The following HDAC4 variants were observed in gnomAD, a reference collection of about 807,000 sequenced individuals.
HDAC4 encodes histone deacetylase A.
Under a neutral mutation model 135.1 loss-of-function variants are expected in HDAC4, and 16 were observed. The ratio of observed to expected loss-of-function variants is 0.12; its 90% confidence interval spans 0.08 to 0.18. The LOEUF is 0.18. Ranked by LOEUF, HDAC4 falls within the 10% of genes least tolerant of loss-of-function variation. HDAC4 has a pLI of 1.00. For synonymous variants in HDAC4, 685 were observed against 653.4 expected (o/e 1.05, Z -0.74); for missense variants, 1,143 against 1,511.8 (o/e 0.76, Z 4.05).
chr2:239,197,768 A>C (rs2045487280), intron 3 of HDAC4, among the ~76,000 whole-genome samples: 1 of 151,804 alleles, frequency 6.6e-6, no homozygotes. Context: ...TCTTTTTTTA[A>C]AATGTCATCC....
chr2:239,195,134 T>TCG (rs1654114457), intron 3 of HDAC4, among the ~76,000 whole-genome samples: 1 of 152,170 alleles, frequency 6.6e-6, no homozygotes, highest in Admixed American at 6.5e-5. Context: ...CAGAATGCTG[T>TCG]CGCTGTTCTC....
intron 3 of HDAC4, among the ~76,000 whole-genome samples, chr2:239,229,269 T>A (rs546871003): frequency 6.6e-6 from 1 of 152,216 alleles, no homozygotes; most frequent in African/African-American, 2.4e-5. Context: ...GACACACACA[T>A]GGCCTCCAGG....
intron 3 of HDAC4, among the ~76,000 whole-genome samples, chr2:239,221,609 GAC>G (rs3838519): frequency 0.023 from 3,406 of 149,004 alleles, 55 homozygotes; most frequent in East Asian, 0.083. Context: ...CTGAGAGTGG[GAC>G]ACACACACAC....
At chr2:239,118,111 C>T (rs1220493027) in intron 12 of HDAC4, among the ~76,000 whole-genome samples, 2 of 152,206 alleles carry the variant, frequency 1.3e-5, no homozygotes, top group Non-Finnish European at 2.9e-5. Flanking sequence ...CTCACACACA[C>T]ACAACATGGT....
intron 26 of HDAC4, 103 bp downstream of exon 26, chr2:239,053,357 T>C (rs1293433793): frequency 2.7e-6 from 4 of 1,484,004 alleles, no homozygotes; most frequent in Admixed American, 3.7e-5. Context: ...CTCTAGTCTG[T>C]TGGGCAGGGC....
At chr2:239,358,008 A>G (rs1429094335) in intron 1 of HDAC4, among the ~76,000 whole-genome samples, 1 of 152,072 alleles carries the variant, frequency 6.6e-6, no homozygotes, top group Non-Finnish European at 1.5e-5. Context: ...TTGACAACTT[A>G]GATGAAATAA....
chr2:239,060,796 C>T (rs919627624), intron 24 of HDAC4, among the ~76,000 whole-genome samples: 10 of 152,248 alleles, frequency 6.6e-5, no homozygotes, highest in Admixed American at 2.6e-4. Flanking sequence ...CAAGCAAACC[C>T]GGAGCAGCCC....
At chr2:239,346,761 C>T (rs949113236) in intron 2 of HDAC4, among the ~76,000 whole-genome samples, 1 of 147,312 alleles carries the variant, frequency 6.8e-6, no homozygotes, top group African/African-American at 2.5e-5. Context: ...CACACCCTGT[C>T]TAAACACACA....
chr2:239,304,206 C>CG (rs1244421133), intron 2 of HDAC4, among the ~76,000 whole-genome samples: 1 of 151,900 alleles, frequency 6.6e-6, no homozygotes, highest in African/African-American at 2.4e-5. Flanking sequence ...AGTGTGAGCT[C>CG]GGGGAAGAAG....
At chr2:239,275,171 C>T (rs1192816049) in intron 2 of HDAC4, among the ~76,000 whole-genome samples, 1 of 152,228 alleles carries the variant, frequency 6.6e-6, no homozygotes, top group Non-Finnish European at 1.5e-5. Context: ...CGGCCGGAAG[C>T]CCCGTGGGCC....
At chr2:239,228,673 G>A (rs1220477764) in intron 3 of HDAC4, among the ~76,000 whole-genome samples, 1 of 152,138 alleles carries the variant, frequency 6.6e-6, no homozygotes, top group East Asian at 1.9e-4. Flanking sequence ...GGAGAAGGGG[G>A]CATGGGTATG....
At chr2:239,110,228 G>A (rs751411345) in intron 14 of HDAC4, among the ~76,000 whole-genome samples, 1 of 152,218 alleles carries the variant, frequency 6.6e-6, no homozygotes, top group African/African-American at 2.4e-5. Flanking sequence ...CGGGCAAACG[G>A]CATTTCCTGT....
chr2:239,207,622 T>C (rs1457013583), intron 3 of HDAC4, among the ~76,000 whole-genome samples: 1 of 152,166 alleles, frequency 6.6e-6, no homozygotes, highest in Non-Finnish European at 1.5e-5. Flanking sequence ...GTTTTAAAAC[T>C]TACATGAAGT....
intron 3 of HDAC4, among the ~76,000 whole-genome samples, chr2:239,208,044 C>T (rs1289265533): frequency 2.0e-5 from 3 of 151,922 alleles, no homozygotes; most frequent in Non-Finnish European, 2.9e-5. Context: ...AAGAAAAGGC[C>T]GGGCGCGGTG....
chr2:239,165,047 A>G (rs950339653), intron 5 of HDAC4, among the ~76,000 whole-genome samples: 2 of 152,068 alleles, frequency 1.3e-5, no homozygotes, highest in African/African-American at 4.8e-5. Context: ...ACATGATGAA[A>G]CCCTGTCTCT....
chr2:239,126,950 G>T (rs909329678), intron 11 of HDAC4, among the ~76,000 whole-genome samples: 32 of 152,206 alleles, frequency 2.1e-4, no homozygotes, highest in African/African-American at 7.0e-4. Flanking sequence ...CACAGGAAAC[G>T]TCAGGAGTCC....
At chr2:239,100,214 G>T (rs1046971869) in intron 16 of HDAC4, among the ~76,000 whole-genome samples, 1 of 152,194 alleles carries the variant, frequency 6.6e-6, no homozygotes, top group African/African-American at 2.4e-5. Context: ...CCTGGCCTCT[G>T]CCTTCCCTGG....
intron 2 of HDAC4, among the ~76,000 whole-genome samples, chr2:239,340,304 G>C (rs1197127288): frequency 6.6e-6 from 1 of 152,136 alleles, no homozygotes; most frequent in African/African-American, 2.4e-5. Context: ...ATCCTACTGA[G>C]GACTGGCGAA....
intron 1 of HDAC4, among the ~76,000 whole-genome samples, chr2:239,388,384 A>G (rs923071528): frequency 1.3e-5 from 2 of 152,214 alleles, no homozygotes; most frequent in African/African-American, 4.8e-5. Context: ...AGGGAGGCAG[A>G]TGCGGTCAGT....
Sources: gnomAD v4.1 joint callset for allele counts (sites outside exome capture counted in the v4.1 genomes callset) on GRCh38, gnomAD v4.1.1 for gene constraint, MANE v1.5 for transcripts, NCBI Gene and HGNC (gene_info 2026-07-23, HGNC 2026-07-21) for gene names.